Variants in CYB5R1 observed in about 807,000 individuals in gnomAD.
The protein encoded by CYB5R1 is NADH-cytochrome b5 reductase 1.
Under a neutral mutation model 37.4 loss-of-function variants are expected in CYB5R1, and 32 were observed. That is an observed-to-expected ratio of 0.86 (90% CI 0.65 to 1.15). CYB5R1 has a LOEUF of 1.15. CYB5R1 is among the 50% of genes most tolerant of loss of function. The probability of loss-of-function intolerance (pLI) is 0.00; values close to 1 mark genes in which losing one functional copy is unlikely to be tolerated. For missense variants in CYB5R1, 345 were observed against 382.5 expected (o/e 0.90, Z 0.82); for synonymous variants, 159 against 155.2 (o/e 1.02, Z -0.18).
At chr1:202,962,831 G>A in intron 8 of CYB5R1, 132 bp from the exon 9 acceptor site, 1 of 1,162,718 alleles carries the variant, frequency 8.6e-7, no homozygotes, top group East Asian at 2.5e-5. Context: ...GCTGGGAATG[G>A]GTATACTCAG....
At chr1:202,967,026 G>C in intron 1 of CYB5R1, 128 bp from the exon 2 acceptor site, 1 of 1,433,474 alleles carries the variant, frequency 7.0e-7, no homozygotes, top group Non-Finnish European at 9.4e-7. Flanking sequence ...GGGTAACCTG[G>C]CGGAGTCCCG....
Position 202,963,093 on chromosome 1 carries a change from A to G in CYB5R1, c.718T>C (p.Trp240Arg), listed in dbSNP as rs1276226978. 1 of 1,614,178 alleles carries G rather than the reference A, an allele frequency of 6.2e-7. No homozygotes were observed. Among genetic ancestry groups the G allele is most frequent in the South Asian group, 1.1e-5 (1 of 91,092 alleles). Residue 240 changes from tryptophan (W) to arginine (R), a missense_variant, in exon 8 of 9, where the codon TGG becomes CGG. Coordinates refer to ENST00000367249, the MANE Select transcript of CYB5R1 (RefSeq NM_016243.3). ...TTTGGGGGATGATCCAGAGTGAACC[A>G]GAGCTTAAAGCGATTGGGATAGCGG... ...QARYPNRFKLWFTLDHPPKDW... is the reference protein window; with the variant it reads ...QARYPNRFKLRFTLDHPPKDW...
chr1:202,966,106 G>A (rs1439478124), intron 3 of CYB5R1, 113 bp from the exon 4 acceptor site: 3 of 741,422 alleles, frequency 4.0e-6, no homozygotes, highest in Non-Finnish European at 6.9e-6. Context: ...GTGGTCCCAA[G>A]GAGCTACAAG....
At chr1:202,967,131 A>G in intron 1 of CYB5R1, 60 bp downstream of exon 1, 1 of 1,578,164 alleles carries the variant, frequency 6.3e-7, no homozygotes, top group Non-Finnish European at 8.7e-7. Context: ...TCCGGAGCTG[A>G]GTGGCCAGAA....
At chr1:202,966,652 G>T in intron 2 of CYB5R1, 52 bp from the exon 3 acceptor site, 1 of 1,613,668 alleles carries the variant, frequency 6.2e-7, no homozygotes, top group Non-Finnish European at 8.5e-7. Flanking sequence ...GCGCTGCCAC[G>T]TCCCTTGGAC....
In CYB5R1 at chr1:202,967,233, G is replaced by A. The variant is rs1170091645; in HGVS notation, c.-28C>T. 2 of 1,561,608 alleles carry A rather than the reference G, an allele frequency of 1.3e-6. No individual in the cohort carries two copies. The highest frequency in any genetic ancestry group is 1.7e-6 in the Non-Finnish European group (2 of 1,150,844). Reference sequence around the variant, plus strand: ...CGGAGCGCCTTTTCCTCCACCACCTGACAAGCCGACAGATCCCACAATGCG... The same window carrying A: ...CGGAGCGCCTTTTCCTCCACCACCTAACAAGCCGACAGATCCCACAATGCG... On this transcript the variant is annotated 5_prime_UTR_variant, in exon 1 of 9. Transcript: ENST00000367249.
Position 202,966,764 on chromosome 1 carries a change from T to A in CYB5R1, c.150A>T (p.Arg50=). The A allele has an allele frequency of 6.2e-7, 1 of 1,614,092 alleles. No individual in the cohort carries two copies. Among genetic ancestry groups the A allele is most frequent in the Non-Finnish European group, 8.5e-7 (1 of 1,179,968 alleles). ...LLDPNEKYLL[R]LLDKTTVSHN... ...CCCAACTTACCGTCTTGTCTAGCAG[T>A]CGTAGCAGGTACTTTTCATTGGGGT... Residue 50 remains arginine, a synonymous_variant, in exon 2 of 9, where the codon CGA becomes CGT. Transcript: ENST00000367249.
chr1:202,967,078 GC>G, intron 1 of CYB5R1, 112 bp downstream of exon 1: 3 of 1,463,192 alleles, frequency 2.1e-6, no homozygotes, highest in Non-Finnish European at 2.8e-6. Flanking sequence ...TCCACGGTGG[GC>G]CCAGAGCCCT....
At chr1:202,965,107 G>A (rs1655059885) in intron 5 of CYB5R1, 1 of 427,646 alleles carries the variant, frequency 2.3e-6, no homozygotes, top group African/African-American at 2.1e-5. Flanking sequence ...GCAAATTTTT[G>A]AAGGTGGGGA....
rs374657893 is a variant in CYB5R1, at chr1:202,965,940, A to G, written c.292T>C (p.Tyr98His). Reference sequence around the variant, plus strand: ...TCCTCATCACTGGTGACAGGAGTGTATGGCCTGATGACCAGGCTGCCATCA... The same window carrying G: ...TCCTCATCACTGGTGACAGGAGTGTGTGGCCTGATGACCAGGCTGCCATCA... ...RIDGSLVIRPYTPVTSDEDQG... is the reference protein window; with the variant it reads ...RIDGSLVIRPHTPVTSDEDQG... Residue 98 changes from tyrosine to histidine, a missense_variant, in exon 4 of 9, where the codon TAC becomes CAC. Coordinates refer to ENST00000367249, the MANE Select transcript of CYB5R1 (RefSeq NM_016243.3). 6.2e-7 allele frequency: 1 copy of G among 1,614,118 alleles called. No homozygotes were observed. The highest frequency in any genetic ancestry group is 8.5e-7 in the Non-Finnish European group (1 of 1,179,960).
chr1:202,963,550 G>T, intron 7 of CYB5R1, 92 bp downstream of exon 7: 1 of 906,542 alleles, frequency 1.1e-6, no homozygotes, highest in South Asian at 1.7e-5. Context: ...CTAAAACAGG[G>T]CACTGGGCCA....
rs1284010499 is a variant in CYB5R1 at position 202,967,179 on chromosome 1, T to A, written c.15+12A>T. 1 of 1,610,002 alleles carries A rather than the reference T, an allele frequency of 6.2e-7. No individual in the cohort carries two copies. The highest frequency in any genetic ancestry group is 8.5e-7 in the Non-Finnish European group (1 of 1,178,362). ...GGGTCCCCCAGTGGAGGATACTGAATGAGGGTCTTACCGTCTGGATCCCCA... is the reference window on the plus strand; with the variant it reads ...GGGTCCCCCAGTGGAGGATACTGAAAGAGGGTCTTACCGTCTGGATCCCCA... On this transcript the variant is annotated intron_variant, in intron 1 of 8. Transcript: ENST00000367249.
In CYB5R1 at chr1:202,967,017, G is replaced by T. The variant is rs1010159028; in HGVS notation, c.16-119C>A. The stretch of plus-strand genomic sequence containing the variant: ...CGCGGAGGCATGCCAAGGGCAGAGG[G>T]GTAACCTGGCGGAGTCCCGAGCCCG... On this transcript the variant is annotated intron_variant, in intron 1 of 8. Transcript: ENST00000367249. 8 of 1,449,634 alleles carry T rather than the reference G, an allele frequency of 5.5e-6. No individual in the cohort carries two copies. The Admixed American group carries it at 1.7e-4, about 32-fold the overall frequency. The allele number at this position is 1,449,634 out of a possible 1,614,324, so 89.8% of individuals were successfully genotyped here. A position where few individuals can be genotyped will look rare whatever the true frequency, so the allele number is the denominator to read the frequency against.
intron 8 of CYB5R1, 167 bp downstream of exon 8, chr1:202,962,899 G>T: frequency 1.1e-6 from 1 of 944,748 alleles, no homozygotes. Context: ...CTGGTAAACA[G>T]GAACCCAAAG....
At position 202,964,623 on chromosome 1, in the gene CYB5R1, G is replaced by GCAATCATTCCCAGTTTCTTCGC; in HGVS notation, c.526_547dup (p.Ala183GlyfsTer28). 6.2e-7 allele frequency: 1 copy of GCAATCATTCCCAGTTTCTTCGC among 1,612,676 alleles called. No individual in the cohort carries two copies. Among genetic ancestry groups the GCAATCATTCCCAGTTTCTTCGC allele is most frequent in the Non-Finnish European group, 8.5e-7 (1 of 1,178,878 alleles). ...TCAGTGTAATGCACCTGTCCCGCCGGCAATCATTCCCAGTTTCTTCGCCAC... is the reference window on the plus strand; with the variant it reads ...TCAGTGTAATGCACCTGTCCCGCCGGCAATCATTCCCAGTTTCTTCGCCAATCATTCCCAGTTTCTTCGCCAC... On this transcript the variant is annotated frameshift_variant, in exon 6 of 9. Transcript: ENST00000367249. LOFTEE classifies it high-confidence loss of function.
chr1:202,964,466 C>T, intron 6 of CYB5R1, 146 bp downstream of exon 6: 1 of 684,910 alleles, frequency 1.5e-6, no homozygotes. Flanking sequence ...TTTTGTTTTT[C>T]AGATACTAGG....
rs200855628 is a variant in CYB5R1, at chr1:202,964,610, A to C, written c.559+2T>G. On this transcript the variant is annotated splice_donor_variant, in intron 6 of 8. Transcript: ENST00000367249. LOFTEE classifies it high-confidence loss of function. ...GAGAGAAAGGCCCTCAGTGTAATGC[A>C]CCTGTCCCGCCGGCAATCATTCCCA... is the stretch of plus-strand genomic sequence containing the variant. 1.2e-6 allele frequency: 2 copies of C among 1,610,012 alleles called. No individual in the cohort carries two copies. The highest frequency in any genetic ancestry group is 8.5e-7 in the Non-Finnish European group (1 of 1,176,802).
intron 3 of CYB5R1, 192 bp from the exon 4 acceptor site, chr1:202,966,185 A>G (rs1348823688): frequency 1.7e-6 from 1 of 599,738 alleles, no homozygotes; most frequent in Non-Finnish European, 3.0e-6. Flanking sequence ...GGAAACACTT[A>G]TTTCCAGCGT....
At chr1:202,967,125 G>T in intron 1 of CYB5R1, 66 bp downstream of exon 1, 1 of 1,575,872 alleles carries the variant, frequency 6.3e-7, no homozygotes, top group East Asian at 2.3e-5. Context: ...CCCTGGTCCG[G>T]AGCTGAGTGG....
Sources: allele counts gnomAD v4.1 joint callset, GRCh38; gene constraint gnomAD v4.1.1; transcripts MANE v1.5; gene names NCBI Gene and HGNC (gene_info 2026-07-23, HGNC 2026-07-21).